The following BCAT1 variants were observed in gnomAD, a reference collection of about 807,000 sequenced individuals.
The protein encoded by BCAT1 is branched chain amino acid transaminase 1.
A neutral mutation model predicts 52.4 loss-of-function variants in BCAT1; 48 were observed. That is an observed-to-expected ratio of 0.92 (90% CI 0.73 to 1.16). The LOEUF (loss-of-function observed/expected upper bound fraction) is 1.16, where lower values mean the gene tolerates loss of function less well. BCAT1 is among the 50% of genes most tolerant of loss of function. The probability of loss-of-function intolerance (pLI) is 0.00; values close to 1 mark genes in which losing one functional copy is unlikely to be tolerated. For synonymous variants in BCAT1, 167 were observed against 161.3 expected (o/e 1.04, Z -0.27); for missense variants, 451 against 457.1 (o/e 0.99, Z 0.12).
At chr12:24,832,630 T>A in intron 9 of BCAT1, 93 bp downstream of exon 9, 1 of 1,375,292 alleles carries the variant, frequency 7.3e-7, no homozygotes, top group Non-Finnish European at 9.7e-7. Flanking sequence ...GCATCTTGGG[T>A]CTGGGTCCAG....
In BCAT1 at chr12:24,876,211, G is replaced by C. The variant is rs143752482; in HGVS notation, c.510+2319C>G. On this transcript the variant is annotated intron_variant, in intron 5 of 10. Coordinates refer to ENST00000261192, the MANE Select transcript of BCAT1 (RefSeq NM_005504.7). ...TCCTAAGTAGGACCATCGTAAGTTGGAGTGCAGCTGTATTAGAAAACTAGA... is the reference window on the plus strand; with the variant it reads ...TCCTAAGTAGGACCATCGTAAGTTGCAGTGCAGCTGTATTAGAAAACTAGA... Among the ~76,000 whole-genome samples, 29 of 145,694 alleles carry C rather than the reference G, an allele frequency of 2.0e-4. No homozygotes were observed. In the East Asian group the frequency reaches 5.9e-3, roughly 30 times the overall value.
intron 5 of BCAT1, among the ~76,000 whole-genome samples, chr12:24,876,239 A>AAG (rs1233558836): frequency 1.3e-5 from 2 of 149,192 alleles, no homozygotes; most frequent in African/African-American, 4.9e-5. Flanking sequence ...AAACTAGATC[A>AAG]AGAGGAAGAG....
chr12:24,911,443 A>C (rs2139702275), intron 1 of BCAT1, among the ~76,000 whole-genome samples: 1 of 152,326 alleles, frequency 6.6e-6, no homozygotes, highest in East Asian at 1.9e-4. Flanking sequence ...CCCTGCTCGA[A>C]GTTTGTGACA....
At chr12:24,842,349 T>C (rs1941202025) in intron 6 of BCAT1, 125 bp from the exon 7 acceptor site, 5 of 1,048,240 alleles carry the variant, frequency 4.8e-6, no homozygotes, top group South Asian at 1.5e-5. Flanking sequence ...ATGTTCTTAA[T>C]ATATATACAC....
intron 1 of BCAT1, among the ~76,000 whole-genome samples, chr12:24,905,100 A>G (rs950798581): frequency 1.3e-5 from 2 of 152,224 alleles, no homozygotes; most frequent in Non-Finnish European, 2.9e-5. Flanking sequence ...CAAAGGGCCA[A>G]AAGAGAGCCT....
intron 5 of BCAT1, among the ~76,000 whole-genome samples, chr12:24,859,001 AAAG>A (rs1941772442): frequency 6.6e-6 from 1 of 152,232 alleles, no homozygotes; most frequent in African/African-American, 2.4e-5. Context: ...CATTGGAATA[AAAG>A]CACAACAGGG....
chr12:24,836,927 A>AAAGG lies in BCAT1; in HGVS notation c.818-332_818-331insCCTT, dbSNP rs1491379947. On this transcript the variant is annotated intron_variant, in intron 7 of 10. Transcript: ENST00000261192. Reference sequence around the variant, plus strand: ...GAAAGAGAGAAAGAAAGAAAGAAAGAAAGAAAGAAAGAAAGAAAGAAAGAA... The same window carrying AAAGG: ...GAAAGAGAGAAAGAAAGAAAGAAAGAAAGGAAGAAAGAAAGAAAGAAAGAAAGAA... Among the ~76,000 whole-genome samples, 15 of 110,550 alleles carry AAAGG rather than the reference A, an allele frequency of 1.4e-4. 2 individuals carry two copies. The highest frequency in any genetic ancestry group is 4.7e-4 in the African/African-American group (15 of 31,794). The allele number at this position is 110,550 out of a possible 152,430, so 72.5% of individuals were successfully genotyped here.
chr12:24,894,498 A>G (rs1262227994), intron 2 of BCAT1, 23 bp from the exon 3 acceptor site: 2 of 1,552,698 alleles, frequency 1.3e-6, no homozygotes, highest in Non-Finnish European at 1.7e-6. Context: ...AATCATCACT[A>G]TTTACAGAAA....
intron 5 of BCAT1, among the ~76,000 whole-genome samples, chr12:24,876,292 A>AATGAAAAC (rs1415476308): frequency 6.6e-6 from 1 of 151,660 alleles, no homozygotes; most frequent in East Asian, 1.9e-4. Context: ...AGAAAAGAAA[A>AATGAAAAC]ATGAAAACTA....
intron 5 of BCAT1, among the ~76,000 whole-genome samples, chr12:24,866,043 G>A (rs1008725711): frequency 2.0e-5 from 3 of 152,248 alleles, no homozygotes; most frequent in Non-Finnish European, 4.4e-5. Flanking sequence ...CAAGGCCGGA[G>A]CTGGCTCCCT....
intron 10 of BCAT1, among the ~76,000 whole-genome samples, chr12:24,827,151 T>C (rs993347027): frequency 2.6e-5 from 4 of 152,240 alleles, no homozygotes; most frequent in African/African-American, 9.6e-5. Context: ...CTATTTGCCC[T>C]GGCCTCTAAA....
intron 10 of BCAT1, among the ~76,000 whole-genome samples, chr12:24,826,689 T>C (rs535316556): frequency 6.6e-6 from 1 of 152,314 alleles, no homozygotes; most frequent in East Asian, 1.9e-4. Flanking sequence ...ATCAGTATTT[T>C]AATAGGGATT....
At chr12:24,856,859 G>T (rs1046733531) in intron 5 of BCAT1, among the ~76,000 whole-genome samples, 8 of 152,178 alleles carry the variant, frequency 5.3e-5, no homozygotes, top group African/African-American at 1.9e-4. Context: ...AACAAAAACT[G>T]GATGAAGTTT....
In BCAT1 at chr12:24,936,712, A is replaced by ATCTCTCTCTCTCTC. The variant is rs112458468; in HGVS notation, c.6+12214_6+12215insGAGAGAGAGAGAGA. Among the ~76,000 whole-genome samples the ATCTCTCTCTCTCTC allele has an allele frequency of 2.4e-3, 269 of 111,986 alleles. 2 individuals carry two copies. The highest frequency in any genetic ancestry group is 7.2e-3 in the African/African-American group (255 of 35,278). 73.5% of individuals were successfully genotyped at this position (111,986 alleles called of 152,430 possible). On this transcript the variant is annotated intron_variant, in intron 1 of 10. Coordinates refer to ENST00000261192, the MANE Select transcript of BCAT1 (RefSeq NM_005504.7). ...AAGTAATGGAGCTCTTTAAATCTCA[A>ATCTCTCTCTCTCTC]TCTCTCTCTCTCACACACACACACA...
At chr12:24,911,791 G>A (rs542392827) in intron 1 of BCAT1, among the ~76,000 whole-genome samples, 1 of 152,192 alleles carries the variant, frequency 6.6e-6, no homozygotes, top group South Asian at 2.1e-4. Context: ...GTCATCTCCA[G>A]GTACCTTAAA....
At chr12:24,841,938 A>G (rs1941188281) in intron 7 of BCAT1, 144 bp downstream of exon 7, 5 of 882,218 alleles carry the variant, frequency 5.7e-6, no homozygotes, top group Non-Finnish European at 8.4e-6. Flanking sequence ...ACTTGTGTCT[A>G]TTTGGGCAGC....
chr12:24,915,656 C>T (rs887511038), intron 1 of BCAT1, among the ~76,000 whole-genome samples: 1 of 152,198 alleles, frequency 6.6e-6, no homozygotes, highest in African/African-American at 2.4e-5. Flanking sequence ...CCAGCACAGA[C>T]ACAGGTGGCA....
Position 24,816,412 on chromosome 12 carries a change from T to C in BCAT1, c.*1596A>G. On this transcript the variant is annotated 3_prime_UTR_variant, in exon 11 of 11. Transcript: ENST00000261192. ...AAAATGTTTTCTGTCAAGATTTGAC[T>C]TTCCTTAGATAAACCACAAAGGATA... is the stretch of plus-strand genomic sequence containing the variant. The C allele has an allele frequency of 2.5e-6, 1 of 397,534 alleles. No individual in the cohort carries two copies. The highest frequency in any genetic ancestry group is 1.3e-4 in the South Asian group (1 of 7,644). The allele number at this position is 397,534 out of a possible 1,614,324, so 24.6% of individuals were successfully genotyped here.
intron 3 of BCAT1, among the ~76,000 whole-genome samples, chr12:24,886,957 G>T (rs1942679123): frequency 6.7e-6 from 1 of 149,168 alleles, no homozygotes; most frequent in Non-Finnish European, 1.5e-5. Context: ...CAGCTACTTG[G>T]GAGGCTGAGG....
Sources: allele counts gnomAD v4.1 joint callset (sites outside exome capture counted in the v4.1 genomes callset), GRCh38; gene constraint gnomAD v4.1.1; transcripts MANE v1.5; gene names NCBI Gene and HGNC (gene_info 2026-07-23, HGNC 2026-07-21).